SYNJ1: variants seen among roughly 807,000 people sequenced by gnomAD.
The protein encoded by SYNJ1 is synaptojanin 1.
In SYNJ1, 78 loss-of-function variants were observed where a neutral mutation model predicts 168.2. The observed-to-expected ratio is 0.46, with a 90% confidence interval of 0.39 to 0.56. The LOEUF is 0.56. Among genes scored for constraint, SYNJ1 ranks in the 20% least tolerant of loss-of-function variants. SYNJ1 has a pLI of 0.00. For synonymous variants in SYNJ1, 539 were observed against 548.6 expected (o/e 0.98, Z 0.24); for missense variants, 1,303 against 1,597.6 (o/e 0.82, Z 3.14).
chr21:32,696,298 G>C (rs932576862), intron 4 of SYNJ1, among the ~76,000 whole-genome samples: 4 of 152,194 alleles, frequency 2.6e-5, no homozygotes, highest in Admixed American at 2.6e-4. Context: ...AGCATTCTAG[G>C]TAACAGATGT....
chr21:32,725,762 T>C (rs2043422954), intron 2 of SYNJ1, among the ~76,000 whole-genome samples: 1 of 152,318 alleles, frequency 6.6e-6, no homozygotes, highest in Non-Finnish European at 1.5e-5. Context: ...TATAAAGATA[T>C]AATCAGTAAC....
rs1349999700 is a variant in SYNJ1 at position 32,639,783 on chromosome 21, C to T, written c.3589-4G>A. 3 of 1,612,328 alleles carry T rather than the reference C, an allele frequency of 1.9e-6. No individual in the cohort carries two copies. Among genetic ancestry groups the T allele is most frequent in the Admixed American group, 3.3e-5 (2 of 59,958 alleles). ...CTCCAGCACGAGGAGGAATCGTCTA[C>T]AGATAGGAAACATAACACTTGAGAC... On this transcript the variant is annotated splice_polypyrimidine_tract_variant and splice_region_variant and intron_variant, in intron 29 of 32. Transcript: ENST00000674351.
At chr21:32,645,512 A>G (rs1306714849) in intron 25 of SYNJ1, 134 bp downstream of exon 25, 3 of 1,255,408 alleles carry the variant, frequency 2.4e-6, no homozygotes, top group Non-Finnish European at 2.1e-6. Flanking sequence ...TTCTTTAGAG[A>G]AAAGCTAAGA....
intron 14 of SYNJ1, 55 bp downstream of exon 14, chr21:32,673,285 A>C (rs1047537284): frequency 8.1e-6 from 12 of 1,479,600 alleles, no homozygotes; most frequent in Non-Finnish European, 9.9e-6. Context: ...TGTTTTCTAG[A>C]TCAATACAAC....
rs755765674 is a variant in SYNJ1, at chr21:32,650,346, A to C, written c.2875T>G (p.Leu959Val). 2 of 1,600,964 alleles carry C rather than the reference A, an allele frequency of 1.2e-6. No homozygotes were observed. The highest frequency in any genetic ancestry group is 1.7e-6 in the Non-Finnish European group (2 of 1,176,268). ...LNVLSLNGKE[L>V]LNRTITIALK... ...GCAATAGTTATAGTCCGATTCAATA[A>C]CTAGCGGAGTAAAAGAGATATAAAA... The change falls in exon 23 of 33, where the codon TTA (leucine) becomes GTA (valine). Residue 959 changes from leucine (L) to valine (V), a missense_variant and splice_region_variant. Leu to Val is a conservative substitution (Grantham distance 32). This residue lies in a region of SYNJ1 where 920 missense variants were observed against 1,208.8 expected (regional missense o/e 0.76). Transcript: ENST00000674351.
At chr21:32,644,895 A>T in intron 26 of SYNJ1, 73 bp downstream of exon 26, 1 of 1,503,218 alleles carries the variant, frequency 6.7e-7, no homozygotes, top group Non-Finnish European at 9.1e-7. Flanking sequence ...TATCAAACAA[A>T]TCTAAAATGT....
intron 18 of SYNJ1, among the ~76,000 whole-genome samples, chr21:32,658,919 G>A (rs2040571123): frequency 6.6e-6 from 1 of 152,166 alleles, no homozygotes; most frequent in Non-Finnish European, 1.5e-5. Flanking sequence ...AGGGAATTCT[G>A]CCTGATCTTT....
chr21:32,631,043 C>T lies in SYNJ1; in HGVS notation c.*762G>A, dbSNP rs763042220. The T allele has an allele frequency of 6.2e-6, 10 of 1,613,768 alleles. No individual in the cohort carries two copies. The highest frequency in any genetic ancestry group is 5.3e-5 in the African/African-American group (4 of 74,872). On this transcript the variant is annotated 3_prime_UTR_variant, in exon 33 of 33. Transcript: ENST00000674351. ...TGGGTGAAGCCTTAGAGGCCAAGGT[C>T]GTGAAAGGATCTACTGGAGGGCTGG...
intron 2 of SYNJ1, among the ~76,000 whole-genome samples, chr21:32,720,915 G>A (rs1318030818): frequency 1.3e-5 from 2 of 152,212 alleles, no homozygotes; most frequent in Non-Finnish European, 2.9e-5. Context: ...GAGATGGGCT[G>A]TAAAATATTG....
chr21:32,704,382 T>A (rs1276862029), intron 2 of SYNJ1, among the ~76,000 whole-genome samples: 1 of 152,222 alleles, frequency 6.6e-6, no homozygotes, highest in African/African-American at 2.4e-5. Context: ...AAACAGTATC[T>A]TCTTCATAAA....
At position 32,665,016 on chromosome 21, in the gene SYNJ1, C is replaced by T. The variant is rs1404522896; in HGVS notation, c.2201G>A (p.Arg734Gln). 5.0e-6 allele frequency: 8 copies of T among 1,613,170 alleles called. No individual in the cohort carries two copies. Among genetic ancestry groups the T allele is most frequent in the Non-Finnish European group, 5.9e-6 (7 of 1,179,432 alleles). The change falls in exon 18 of 33, where the codon CGA (arginine) becomes CAA (glutamine). Residue 734 changes from arginine (R) to glutamine (Q), a missense_variant. Arg to Gln is a conservative substitution (Grantham distance 43, BLOSUM62 1). Around this residue, in one of 2 missense-constraint regions of SYNJ1, gnomAD observed 920 missense variants for 1,208.8 expected, o/e 0.76. Transcript: ENST00000674351. ...YVFWCGDFNY[R>Q]IDLPNEEVKE... ...AACTTCTTCGTTAGGGAGATCGATT[C>T]GATAGTTGAAATCACCACACCAAAA...
intron 31 of SYNJ1, among the ~76,000 whole-genome samples, chr21:32,637,475 C>G (rs1381438961): frequency 7.3e-6 from 1 of 136,362 alleles, no homozygotes; most frequent in African/African-American, 2.8e-5. Context: ...GTGGTGCGAT[C>G]TCAGCTCACT....
chr21:32,629,646 G>C lies in SYNJ1; in HGVS notation c.*2159C>G, dbSNP rs1304789058. 1 of 152,364 alleles carries C rather than the reference G, an allele frequency of 6.6e-6. No individual in the cohort carries two copies. The highest frequency in any genetic ancestry group is 1.5e-5 in the Non-Finnish European group (1 of 68,032). 9.4% of individuals were successfully genotyped at this position (152,364 alleles called of 1,614,324 possible). A position where few individuals can be genotyped will look rare whatever the true frequency, so the allele number is the denominator to read the frequency against. On this transcript the variant is annotated 3_prime_UTR_variant, in exon 33 of 33. Transcript: ENST00000674351. ...GACATATACAACTCTTTATATAAAA[G>C]GAATGTTAATGTAAGTCTTAATGGG...
At chr21:32,723,287 T>C (rs1445465612) in intron 2 of SYNJ1, among the ~76,000 whole-genome samples, 1 of 152,246 alleles carries the variant, frequency 6.6e-6, no homozygotes, top group African/African-American at 2.4e-5. Context: ...GGGTATCTCA[T>C]GGCACTTCAG....
In SYNJ1 at chr21:32,714,868, C is replaced by T. The variant is rs573464083; in HGVS notation, c.124+11904G>A. Among the ~76,000 whole-genome samples, 16 of 152,316 alleles carry T rather than the reference C, an allele frequency of 1.1e-4. No homozygotes were observed. In the East Asian group the frequency reaches 1.3e-3, roughly 13 times the overall value. ...TTCAGGAATACACAAACACTCAATC[C>T]GGTGCAAGGGGAAGTGCATTTTCCT... On this transcript the variant is annotated intron_variant, in intron 2 of 32. Transcript: ENST00000674351.
At chr21:32,728,206 A>G (rs2046843415), upstream of SYNJ1, 1 of 765,666 alleles carries the variant, frequency 1.3e-6, no homozygotes, top group Admixed American at 3.4e-5. Flanking sequence ...CCCCAGGCAG[A>G]GCTGCGATCC....
chr21:32,683,987 C>T, intron 10 of SYNJ1, 51 bp downstream of exon 10: 1 of 1,510,294 alleles, frequency 6.6e-7, no homozygotes, highest in East Asian at 2.3e-5. Flanking sequence ...TCAAAAAGCA[C>T]TTAAAGAGGC....
chr21:32,717,641 G>T (rs1377721879), intron 2 of SYNJ1, among the ~76,000 whole-genome samples: 1 of 152,134 alleles, frequency 6.6e-6, no homozygotes, highest in Admixed American at 6.5e-5. Flanking sequence ...TGTTAAACAT[G>T]AACTATTCCC....
rs778073626 is a variant in SYNJ1 at position 32,631,042 on chromosome 21, T to C, written c.*763A>G. On this transcript the variant is annotated 3_prime_UTR_variant, in exon 33 of 33. Transcript: ENST00000674351. ...GTGGGTGAAGCCTTAGAGGCCAAGG[T>C]CGTGAAAGGATCTACTGGAGGGCTG... The C allele has an allele frequency of 3.2e-5, 52 of 1,613,852 alleles. No homozygotes were observed. Among genetic ancestry groups the C allele is most frequent in the Non-Finnish European group, 4.2e-5 (49 of 1,179,964 alleles).
Sources: allele counts gnomAD v4.1 joint callset (sites outside exome capture counted in the v4.1 genomes callset), GRCh38; gene constraint gnomAD v4.1.1; regional missense constraint gnomAD v4.1.1; transcripts MANE v1.5; gene names NCBI Gene and HGNC (gene_info 2026-07-23, HGNC 2026-07-21).